Variants in CCSER1 observed in about 807,000 individuals in gnomAD.
CCSER1 encodes serine-rich coiled-coil domain-containing protein 1.
A neutral mutation model predicts 82.0 loss-of-function variants in CCSER1; 41 were observed. The ratio of observed to expected loss-of-function variants is 0.50; its 90% CI spans 0.39 to 0.65. The LOEUF (loss-of-function observed/expected upper bound fraction) is 0.65, where lower values mean the gene tolerates loss of function less well. Ranked by LOEUF, CCSER1 falls within the 30% of genes least tolerant of loss-of-function variation. CCSER1 has a pLI of 0.00. For missense variants in CCSER1, 1,119 were observed against 1,064.2 expected, an observed-to-expected ratio of 1.05 and a Z score of -0.72; for synonymous variants, 414 against 383.9, an observed-to-expected ratio of 1.08 and a Z score of -0.92.
At chr4:90,434,050 C>G (rs533042498) in intron 4 of CCSER1, among the ~76,000 whole-genome samples, 12 of 151,788 alleles carry the variant, frequency 7.9e-5, no homozygotes, top group Admixed American at 2.0e-4. Context: ...ACTTTTTCCC[C>G]ACAATTATGG....
chr4:91,427,614 C>T (rs1214912855), intron 10 of CCSER1, among the ~76,000 whole-genome samples: 5 of 152,074 alleles, frequency 3.3e-5, no homozygotes, highest in Non-Finnish European at 7.4e-5. Context: ...TCTACTTTTA[C>T]CACTGTGAAA....
intron 1 of CCSER1, among the ~76,000 whole-genome samples, chr4:90,156,537 C>T (rs1214701846): frequency 6.6e-5 from 10 of 152,138 alleles, no homozygotes. Context: ...TGAGGACTTG[C>T]TTTATGAATC....
chr4:91,594,366 T>C (rs555163760), intron 10 of CCSER1, among the ~76,000 whole-genome samples: 3 of 137,840 alleles, frequency 2.2e-5, no homozygotes, highest in Non-Finnish European at 3.3e-5. Context: ...CACATATATA[T>C]ACACATATAT....
At chr4:91,049,618 G>T (rs776203317) in intron 9 of CCSER1, among the ~76,000 whole-genome samples, 15 of 152,270 alleles carry the variant, frequency 9.9e-5, no homozygotes, top group Admixed American at 8.5e-4. Flanking sequence ...TACATAAACT[G>T]GTGAGAGAAC....
chr4:90,900,546 C>T (rs192444864), intron 8 of CCSER1, among the ~76,000 whole-genome samples: 5 of 151,742 alleles, frequency 3.3e-5, no homozygotes, highest in South Asian at 2.1e-4. Flanking sequence ...TAGTTATTTG[C>T]GCAAAAGTCA....
intron 10 of CCSER1, among the ~76,000 whole-genome samples, chr4:91,104,694 G>A (rs1304384013): frequency 1.3e-5 from 2 of 152,132 alleles, no homozygotes; most frequent in Non-Finnish European, 2.9e-5. Flanking sequence ...CAGTTCTGGA[G>A]GCTAGAAATC....
chr4:90,266,177 C>T (rs1725196764), intron 1 of CCSER1, among the ~76,000 whole-genome samples: 1 of 152,144 alleles, frequency 6.6e-6, no homozygotes, highest in African/African-American at 2.4e-5. Flanking sequence ...TTCAATACTT[C>T]AGGTTATATG....
intron 3 of CCSER1, among the ~76,000 whole-genome samples, chr4:90,325,432 A>G (rs1737992597): frequency 6.6e-6 from 1 of 152,226 alleles, no homozygotes; most frequent in African/African-American, 2.4e-5. Context: ...TTAGAAAACT[A>G]AGATTGTTTA....
At chr4:91,296,365 A>G (rs1376631989) in intron 10 of CCSER1, among the ~76,000 whole-genome samples, 3 of 150,058 alleles carry the variant, frequency 2.0e-5, no homozygotes, top group African/African-American at 7.3e-5. Context: ...CATATACTAT[A>G]ATTTTTCCCT....
At chr4:90,997,764 C>A (rs1188262402) in intron 9 of CCSER1, among the ~76,000 whole-genome samples, 1 of 152,060 alleles carries the variant, frequency 6.6e-6, no homozygotes, top group Admixed American at 6.6e-5. Context: ...GTAAAGATTT[C>A]CTCTTACTAA....
intron 10 of CCSER1, among the ~76,000 whole-genome samples, chr4:91,500,944 AG>A (rs1263638988): frequency 6.6e-6 from 1 of 151,876 alleles, no homozygotes; most frequent in Non-Finnish European, 1.5e-5. Context: ...GTTAGTTTGA[AG>A]TAATTGTGAA....
rs555110990 is a variant in CCSER1 at position 90,923,533 on chromosome 4, A to G, written c.2172+86A>G. The G allele has an allele frequency of 6.2e-5, 55 of 881,994 alleles. No individual in the cohort carries two copies. In the South Asian group the frequency reaches 7.3e-4, roughly 12 times the overall value. 54.6% of individuals were successfully genotyped at this position (881,994 alleles called of 1,614,324 possible). ...ATTGACCTCTGCGGCTGCTGTGTCC[A>G]TGCATTGATTTAACAGGATTTAGCG... On this transcript the variant is annotated intron_variant, in intron 9 of 10. Coordinates refer to ENST00000509176, the MANE Select transcript of CCSER1 (RefSeq NM_001145065.2).
intron 10 of CCSER1, among the ~76,000 whole-genome samples, chr4:91,302,478 A>G (rs1744743586): frequency 6.6e-6 from 1 of 151,964 alleles, no homozygotes; most frequent in African/African-American, 2.4e-5. Flanking sequence ...CTGATCATCT[A>G]TTTTTGACTC....
At chr4:90,648,019 C>T (rs113436758) in intron 6 of CCSER1, among the ~76,000 whole-genome samples, 189 of 152,050 alleles carry the variant, frequency 1.2e-3, no homozygotes, top group African/African-American at 4.3e-3. Flanking sequence ...AATTGTGCCT[C>T]CATTTCTTAA....
intron 10 of CCSER1, among the ~76,000 whole-genome samples, chr4:91,337,346 T>C (rs1747394114): frequency 1.3e-5 from 2 of 152,164 alleles, no homozygotes; most frequent in South Asian, 4.1e-4. Flanking sequence ...TTTTCTGCGT[T>C]GTGGTCAAGT....
At chr4:90,909,548 G>A (rs1993748) in intron 8 of CCSER1, among the ~76,000 whole-genome samples, 79,091 of 151,986 alleles carry the variant, frequency 0.52, 21,824 homozygotes, top group African/African-American at 0.71. Context: ...CAGAGCCAAA[G>A]CAATTTGGAT....
At chr4:90,854,397 G>C (rs1764232662) in intron 8 of CCSER1, among the ~76,000 whole-genome samples, 1 of 152,112 alleles carries the variant, frequency 6.6e-6, no homozygotes, top group South Asian at 2.1e-4. Flanking sequence ...TATTTCAAGT[G>C]ATTGTTGCTT....
intron 9 of CCSER1, among the ~76,000 whole-genome samples, chr4:90,982,880 A>G (rs913524997): frequency 4.0e-5 from 6 of 151,798 alleles, no homozygotes; most frequent in Non-Finnish European, 8.8e-5. Context: ...AAAGAAAAAA[A>G]AGATAGAGTC....
chr4:91,432,303 A>C (rs1754376314), intron 10 of CCSER1, among the ~76,000 whole-genome samples: 1 of 152,200 alleles, frequency 6.6e-6, no homozygotes, highest in Non-Finnish European at 1.5e-5. Context: ...TACAATAATT[A>C]ATTTAATTAA....
Sources: gnomAD v4.1 joint callset for allele counts (sites outside exome capture counted in the v4.1 genomes callset) on GRCh38, gnomAD v4.1.1 for gene constraint, MANE v1.5 for transcripts, NCBI Gene and HGNC (gene_info 2026-07-23, HGNC 2026-07-21) for gene names.